Variants in FTSJ3 observed in about 807,000 individuals in gnomAD.
FTSJ3 encodes FtsJ RNA 2'-O-methyltransferase 3.
FTSJ3 carries 46 observed loss-of-function variants against 111.5 expected under a neutral mutation model. That is an observed-to-expected ratio of 0.41 (90% confidence interval 0.33 to 0.53). The LOEUF (loss-of-function observed/expected upper bound fraction) is 0.53, where lower values mean the gene tolerates loss of function less well. Ranked by LOEUF, FTSJ3 falls within the 20% of genes least tolerant of loss-of-function variation. The pLI is 0.19. For synonymous variants in FTSJ3, 408 were observed against 383.0 expected, an observed-to-expected ratio of 1.07 and a Z score of -0.76; for missense variants, 1,075 against 1,063.8, an observed-to-expected ratio of 1.01 and a Z score of -0.15.
At position 63,825,108 on chromosome 17, in the gene FTSJ3, A is replaced by G; in HGVS notation, c.651T>C (p.Phe217=). The change falls in exon 8 of 21, where the codon TTT becomes TTC. Residue 217 remains phenylalanine (F), a synonymous_variant. Coordinates refer to ENST00000427159, the MANE Select transcript of FTSJ3 (RefSeq NM_017647.4). ...DSKFFDPKFA[F]KEVEVQAKTV... ...TCTTAGCCTGAACTTCAACCTCCTT[A>G]AAGGCAAATTTGGGGTCAAAGAATT... 6.2e-7 allele frequency: 1 copy of G among 1,614,144 alleles called. No homozygotes were observed. Among genetic ancestry groups the G allele is most frequent in the South Asian group, 1.1e-5 (1 of 91,078 alleles).
chr17:63,821,184 T>C, intron 16 of FTSJ3, 69 bp from the exon 17 acceptor site: 1 of 1,580,400 alleles, frequency 6.3e-7, no homozygotes, highest in Admixed American at 1.7e-5. Context: ...CCCACGGAAT[T>C]TGCAAAAATC....
chr17:63,824,943 A>G lies in FTSJ3; in HGVS notation c.712-14T>C. 1 of 1,576,520 alleles carries G rather than the reference A, an allele frequency of 6.3e-7. No homozygotes were observed. Among genetic ancestry groups the G allele is most frequent in the Non-Finnish European group, 8.6e-7 (1 of 1,160,686 alleles). ...ATAGCCTTCAGCCTTAGGAAGGAAA[A>G]GAGAGAAGCTTGGTCAGGCCCTTCT... On this transcript the variant is annotated splice_polypyrimidine_tract_variant and intron_variant, in intron 8 of 20. Coordinates refer to ENST00000427159, the MANE Select transcript of FTSJ3 (RefSeq NM_017647.4).
rs1366593342 is a variant in FTSJ3 at position 63,825,419 on chromosome 17, C to A, written c.418G>T (p.Ala140Ser). 1 of 1,614,156 alleles carries A rather than the reference C, an allele frequency of 6.2e-7. No homozygotes were observed. Among genetic ancestry groups the A allele is most frequent in the Non-Finnish European group, 8.5e-7 (1 of 1,180,046 alleles). Residue 140 changes from alanine (A) to serine (S), a missense_variant, in exon 7 of 21, where the codon GCT becomes TCT. Transcript: ENST00000427159. ...AYSQAHLTLM[A>S]LRLACDFLAR... is the part of the protein sequence containing the mutation. ...AAAAAGTCACAAGCCAAACGTAGAG[C>A]CATCAGTGTCAAATGGGCTGTAGGA...
chr17:63,821,465 G>C lies in FTSJ3; in HGVS notation c.1775C>G (p.Pro592Arg), dbSNP rs1048320560. 2 of 1,614,200 alleles carry C rather than the reference G, an allele frequency of 1.2e-6. No homozygotes were observed. The highest frequency in any genetic ancestry group is 1.3e-5 in the African/African-American group (1 of 75,058). Reference protein sequence around the residue: ...IMSPLYQDEAPKGTEASSGTE... With the variant: ...IMSPLYQDEARKGTEASSGTE... ...CCCCGAAGAAGCCTCTGTTCCCTTA[G>C]GGGCTTCATCTTGGTACAGGGGAGA... Residue 592 changes from proline to arginine, a missense_variant, in exon 16 of 21, where the codon CCT becomes CGT. Pro to Arg is a moderately radical substitution (Grantham distance 103, BLOSUM62 -2). Transcript: ENST00000427159.
Position 63,823,802 on chromosome 17 carries a change from C to G in FTSJ3, c.1290+15G>C. 6.2e-7 allele frequency: 1 copy of G among 1,612,582 alleles called. No homozygotes were observed. The highest frequency in any genetic ancestry group is 8.5e-7 in the Non-Finnish European group (1 of 1,179,260). ...CCTTCTGTCTCCTAAACCTGCACCC[C>G]CAATGCCGCCTCACCTGGTGACCCC... is the stretch of plus-strand genomic sequence containing the variant. On this transcript the variant is annotated intron_variant, in intron 13 of 20. Coordinates refer to ENST00000427159, the MANE Select transcript of FTSJ3 (RefSeq NM_017647.4).
chr17:63,824,390 T>C lies in FTSJ3; in HGVS notation c.939A>G (p.Thr313=), dbSNP rs143096727. The change falls in exon 11 of 21, where the codon ACA becomes ACG. Residue 313 remains threonine (T), a synonymous_variant. Transcript: ENST00000427159. ...TCTTGGCCACATATCGCCGAAGTTT[T>C]GTTCTCCAGTTTAGTAGCGACCTGC... ...KELRSLLNWR[T]KLRRYVAKKL... The C allele has an allele frequency of 1.9e-5, 30 of 1,614,172 alleles. No homozygotes were observed. In the African/African-American group the frequency reaches 3.9e-4, roughly 21 times the overall value.
chr17:63,820,533 C>T (rs1299244863), intron 18 of FTSJ3, 95 bp from the exon 19 acceptor site: 2 of 1,289,146 alleles, frequency 1.6e-6, no homozygotes, highest in East Asian at 4.6e-5. Context: ...GTAATCCCTG[C>T]ACTTTGGGAG....
rs1303223866 is a variant in FTSJ3 at position 63,819,929 on chromosome 17, CCTT to C, written c.2414_2416del (p.Lys805_Gly806delinsSer). The C allele has an allele frequency of 1.2e-6, 2 of 1,614,238 alleles. No individual in the cohort carries two copies. Among genetic ancestry groups the C allele is most frequent in the African/African-American group, 1.3e-5 (1 of 75,054 alleles). On this transcript the variant is annotated inframe_deletion, in exon 21 of 21. Transcript: ENST00000427159. ...TGGCCGGCGCACTTTGCGGCCCACA[CCTT>C]TTTTGGCTACAACGTAGGTGACATG...
Position 63,821,547 on chromosome 17 carries a change from G to T in FTSJ3, c.1693C>A (p.Gln565Lys), listed in dbSNP as rs776256708. The change falls in exon 16 of 21, where the codon CAG becomes AAG. Residue 565 changes from glutamine (Q) to lysine (K), a missense_variant. Around this residue, in one of 2 missense-constraint regions of FTSJ3, gnomAD observed 867 missense variants for 796.9 expected, o/e 1.09. Transcript: ENST00000427159. ...GTCTGTGGCAGCTGCTGCTTCTGCT[G>T]CTGCTGCCGTCCCTTCCGCCGGTTC... Reference protein sequence around the residue: ...FENRRKGRQQQQKQQLPQTPP... With the variant: ...FENRRKGRQQKQKQQLPQTPP... The T allele has an allele frequency of 5.0e-6, 8 of 1,613,960 alleles. No individual in the cohort carries two copies. Among genetic ancestry groups the T allele is most frequent in the Non-Finnish European group, 6.8e-6 (8 of 1,179,968 alleles).
At position 63,822,095 on chromosome 17, in the gene FTSJ3, A is replaced by C. The variant is rs2040057376; in HGVS notation, c.1364T>G (p.Ile455Ser). 1 of 1,614,192 alleles carries C rather than the reference A, an allele frequency of 6.2e-7. No individual in the cohort carries two copies. The highest frequency in any genetic ancestry group is 8.5e-7 in the Non-Finnish European group (1 of 1,179,998). Residue 455 changes from isoleucine (I) to serine (S), a missense_variant, in exon 14 of 21, where the codon ATC (isoleucine) becomes AGC (serine). Ile to Ser is a moderately radical substitution (Grantham distance 142). Around this residue, in one of 2 missense-constraint regions of FTSJ3, gnomAD observed 867 missense variants for 796.9 expected, o/e 1.09. Coordinates refer to ENST00000427159, the MANE Select transcript of FTSJ3 (RefSeq NM_017647.4). ...TFLSDLPRDD[I>S]YVSDVEDDGD... ...GTCGTCCTCAACATCTGACACATAG[A>C]TATCATCCCTTGGCAGATCGGACAG...
chr17:63,823,907 A>G lies in FTSJ3; in HGVS notation c.1200T>C (p.Arg400=). ...LLREQRKQRE[R]VELKMDLPGV... ...CAGGCAGATCCATCTTCAGCTCCAC[A>G]CGCTCCCGCTGCTTTCTCTGCTCAC... The change falls in exon 13 of 21, where the codon CGT becomes CGC. Residue 400 remains arginine (R), a synonymous_variant. Coordinates refer to ENST00000427159, the MANE Select transcript of FTSJ3 (RefSeq NM_017647.4). The G allele has an allele frequency of 6.2e-7, 1 of 1,614,024 alleles. No homozygotes were observed. Among genetic ancestry groups the G allele is most frequent in the South Asian group, 1.1e-5 (1 of 91,076 alleles).
chr17:63,820,741 G>T (rs1236386977), intron 18 of FTSJ3, 98 bp downstream of exon 18: 19 of 834,724 alleles, frequency 2.3e-5, no homozygotes, highest in Admixed American at 6.1e-5. Context: ...TTGCACTCCA[G>T]CCTGGGCAAC....
intron 2 of FTSJ3, 31 bp from the exon 3 acceptor site, chr17:63,826,703 T>C (rs753109085): frequency 1.3e-6 from 2 of 1,585,616 alleles, no homozygotes; most frequent in African/African-American, 2.7e-5. Context: ...CGCAAACTGC[T>C]TCACTAGTAG....
Position 63,819,580 on chromosome 17 carries a change from A to T in FTSJ3, c.*222T>A. On this transcript the variant is annotated 3_prime_UTR_variant, in exon 21 of 21. Coordinates refer to ENST00000427159, the MANE Select transcript of FTSJ3 (RefSeq NM_017647.4). ...TTTAAAAAAAGGGTCATGAGTGTCA[A>T]CACAGTTCAGCAGTGTTTTCATGGG... The T allele has an allele frequency of 1.8e-6, 1 of 541,834 alleles. No individual in the cohort carries two copies. The highest frequency in any genetic ancestry group is 3.3e-6 in the Non-Finnish European group (1 of 305,710). 33.6% of individuals were successfully genotyped at this position (541,834 alleles called of 1,614,324 possible). A position where few individuals can be genotyped will look rare whatever the true frequency, so the allele number is the denominator to read the frequency against.
intron 6 of FTSJ3, 34 bp from the exon 7 acceptor site, chr17:63,825,470 G>A: frequency 6.2e-7 from 1 of 1,612,306 alleles, no homozygotes; most frequent in Non-Finnish European, 8.5e-7. Context: ...GACGCACTCT[G>A]CAGCCCAGGA....
Position 63,824,749 on chromosome 17 carries a change from G to A in FTSJ3, c.817-12C>T, listed in dbSNP as rs1215627962. The stretch of plus-strand genomic sequence containing the variant: ...TCATCTACCATGATCTGTTTGGGAG[G>A]ATGGAAAGGTGTCAGGGGAGATCCT... On this transcript the variant is annotated splice_polypyrimidine_tract_variant and intron_variant, in intron 9 of 20. Coordinates refer to ENST00000427159, the MANE Select transcript of FTSJ3 (RefSeq NM_017647.4). 7 of 1,611,614 alleles carry A rather than the reference G, an allele frequency of 4.3e-6. No homozygotes were observed. The Admixed American group carries it at 1.0e-4, about 23-fold the overall frequency.
chr17:63,825,899 C>G, intron 5 of FTSJ3, 157 bp downstream of exon 5: 1 of 677,162 alleles, frequency 1.5e-6, no homozygotes, highest in Non-Finnish European at 2.6e-6. Context: ...TAAATAAAGC[C>G]TGGAGTGGAC....
rs1389493951 is a variant in FTSJ3, at chr17:63,827,408, T to G, written c.-383A>C. ...CATTGACCCGGAATTCTTCTCTGCCTGGTCTTCAGGTCCCAATCCTCCGCT... is the reference window on the plus strand; with the variant it reads ...CATTGACCCGGAATTCTTCTCTGCCGGGTCTTCAGGTCCCAATCCTCCGCT... On this transcript the variant is annotated 5_prime_UTR_variant, in exon 1 of 21. Coordinates refer to ENST00000427159, the MANE Select transcript of FTSJ3 (RefSeq NM_017647.4). The G allele has an allele frequency of 1.9e-6, 3 of 1,543,796 alleles. No individual in the cohort carries two copies. The highest frequency in any genetic ancestry group is 2.6e-6 in the Non-Finnish European group (3 of 1,140,158).
At position 63,827,564 on chromosome 17, in the gene FTSJ3, G is replaced by A. The variant is rs776249519; in HGVS notation, c.-539C>T. 1.3e-6 allele frequency: 2 copies of A among 1,551,476 alleles called. No homozygotes were observed. Among genetic ancestry groups the A allele is most frequent in the South Asian group, 2.4e-5 (2 of 84,046 alleles). On this transcript the variant is annotated 5_prime_UTR_variant, in exon 1 of 21. Transcript: ENST00000427159. ...GGCAGGTTACGGGGCTGGGTGCGGA[G>A]CGAGCGTGATCTGAGTGGAGAGCGG...
Sources: allele counts gnomAD v4.1 joint callset, GRCh38; gene constraint gnomAD v4.1.1; regional missense constraint gnomAD v4.1.1; transcripts MANE v1.5; gene names NCBI Gene and HGNC (gene_info 2026-07-23, HGNC 2026-07-21).